TACR1: variants seen among roughly 807,000 people sequenced by gnomAD.
The protein encoded by TACR1 is tachykinin receptor 1.
A neutral mutation model predicts 35.8 loss-of-function variants in TACR1; 25 were observed. The observed-to-expected ratio is 0.70, with a 90% confidence interval of 0.51 to 0.98. The LOEUF is 0.98. Among genes scored for constraint, TACR1 ranks in the 50% least tolerant of loss-of-function variants. The probability of loss-of-function intolerance (pLI) is 0.00; values close to 1 mark genes in which losing one functional copy is unlikely to be tolerated. For synonymous variants in TACR1, 195 were observed against 206.7 expected (o/e 0.94, Z 0.48); for missense variants, 478 against 522.9 (o/e 0.91, Z 0.84).
At chr2:75,082,752 A>C (rs1309418143) in intron 2 of TACR1, among the ~76,000 whole-genome samples, 1 of 152,056 alleles carries the variant, frequency 6.6e-6, no homozygotes, top group Non-Finnish European at 1.5e-5. Flanking sequence ...CATATCCTTC[A>C]TGCACTTTTT....
chr2:75,144,144 C>T (rs949482969), intron 1 of TACR1, among the ~76,000 whole-genome samples: 3 of 152,144 alleles, frequency 2.0e-5, no homozygotes, highest in Non-Finnish European at 2.9e-5. Flanking sequence ...CTCCATGGGG[C>T]CACTACTGGG....
At chr2:75,134,519 T>TGGGGG (rs1674241819) in intron 1 of TACR1, among the ~76,000 whole-genome samples, 1 of 152,118 alleles carries the variant, frequency 6.6e-6, no homozygotes, top group Non-Finnish European at 1.5e-5. Context: ...GGAGGACATT[T>TGGGGG]ACGCCTGGGC....
At chr2:75,097,231 CGAA>C (rs1673440863) in intron 2 of TACR1, among the ~76,000 whole-genome samples, 1 of 152,042 alleles carries the variant, frequency 6.6e-6, no homozygotes, top group African/African-American at 2.4e-5. Flanking sequence ...ATAAAGATAG[CGAA>C]GTGTTTTTTT....
At chr2:75,163,991 A>T (rs889095404) in intron 1 of TACR1, among the ~76,000 whole-genome samples, 15 of 152,126 alleles carry the variant, frequency 9.9e-5, no homozygotes, top group African/African-American at 3.4e-4. Flanking sequence ...TAAAAAAGTA[A>T]ACAAATGGAG....
rs11367021 is a variant in TACR1, at chr2:75,079,736, CTTTTTTTT to C, written c.585-25989_585-25982del. Among the ~76,000 whole-genome samples the C allele has an allele frequency of 3.5e-5, 4 of 114,196 alleles. No individual in the cohort carries two copies. In the East Asian group the frequency reaches 9.1e-4, roughly 26 times the overall value. The allele number at this position is 114,196 out of a possible 152,430, so 74.9% of individuals were successfully genotyped here. On this transcript the variant is annotated intron_variant, in intron 2 of 4. Transcript: ENST00000305249. ...CAAACTGTGCATCTAAACCTAATGCCTTTTTTTTTTTTTTTTTTTTTGGTCTCACTCTG... is the reference window on the plus strand; with the variant it reads ...CAAACTGTGCATCTAAACCTAATGCCTTTTTTTTTTTTTGGTCTCACTCTG...
chr2:75,057,406 G>A (rs1421715461), intron 2 of TACR1, among the ~76,000 whole-genome samples: 2 of 152,184 alleles, frequency 1.3e-5, no homozygotes, highest in Middle Eastern at 3.4e-3. Context: ...GACTCAGCCC[G>A]CCTGCACCCA....
chr2:75,053,453 A>C (rs1414927919), intron 3 of TACR1, 152 bp downstream of exon 3: 2 of 1,076,972 alleles, frequency 1.9e-6, no homozygotes, highest in East Asian at 3.0e-5. Flanking sequence ...TTCCAAAGAC[A>C]CTGAAGAAAG....
In TACR1 at chr2:75,137,757, G is replaced by GA. The variant is rs1396560330; in HGVS notation, c.390-16990dup. Reference sequence around the variant, plus strand: ...AAAAAAAAAAAAAAAAAAAAAAAAAGAAAAAATAAAAGAAATCCAGCTGTC... The same window carrying GA: ...AAAAAAAAAAAAAAAAAAAAAAAAAGAAAAAAATAAAAGAAATCCAGCTGTC... On this transcript the variant is annotated intron_variant, in intron 1 of 4. Coordinates refer to ENST00000305249, the MANE Select transcript of TACR1 (RefSeq NM_001058.4). Among the ~76,000 whole-genome samples the GA allele has an allele frequency of 8.4e-4, 87 of 103,898 alleles. 1 individual carries two copies. Among genetic ancestry groups the GA allele is most frequent in the Non-Finnish European group, 1.4e-3 (67 of 49,434 alleles). The allele number at this position is 103,898 out of a possible 152,430, so 68.2% of individuals were successfully genotyped here. A position where few individuals can be genotyped will look rare whatever the true frequency, so the allele number is the denominator to read the frequency against.
At chr2:75,088,781 A>G (rs1311899064) in intron 2 of TACR1, among the ~76,000 whole-genome samples, 1 of 151,994 alleles carries the variant, frequency 6.6e-6, no homozygotes, top group Non-Finnish European at 1.5e-5. Flanking sequence ...TCGCCCCTGA[A>G]TCTTGAATCA....
intron 2 of TACR1, among the ~76,000 whole-genome samples, chr2:75,101,071 G>GT (rs1344793284): frequency 6.6e-6 from 1 of 151,822 alleles, no homozygotes; most frequent in Admixed American, 6.6e-5. Context: ...TGAATAACAT[G>GT]TTGGACACGG....
Position 75,051,433 on chromosome 2 carries a change from C to T in TACR1, c.750G>A (p.Met250Ile). Residue 250 changes from methionine to isoleucine, a missense_variant, in exon 4 of 5, where the codon ATG becomes ATA. Met to Ile is a conservative substitution (Grantham distance 10). Transcript: ENST00000305249. ...VSAKRKVVKM[M>I]IVVVCTFAIC... ...TGGCGAAGGTGCACACCACGACAATCATCATTTTGACCACCTGGCAAGAGG... is the reference window on the plus strand; with the variant it reads ...TGGCGAAGGTGCACACCACGACAATTATCATTTTGACCACCTGGCAAGAGG... 1 of 1,614,028 alleles carries T rather than the reference C, an allele frequency of 6.2e-7. No individual in the cohort carries two copies. The highest frequency in any genetic ancestry group is 8.5e-7 in the Non-Finnish European group (1 of 1,179,942).
intron 2 of TACR1, among the ~76,000 whole-genome samples, chr2:75,094,861 T>TATATATA (rs1558551241): frequency 3.3e-4 from 20 of 60,726 alleles, no homozygotes; most frequent in African/African-American, 1.7e-3. Context: ...ATATATATAT[T>TATATATA]TTTTTTTTTT....
At chr2:75,088,963 A>G (rs144998136) in intron 2 of TACR1, among the ~76,000 whole-genome samples, 2 of 152,168 alleles carry the variant, frequency 1.3e-5, no homozygotes, top group Non-Finnish European at 2.9e-5. Flanking sequence ...TGAGTTTGAC[A>G]GTTTCCCACA....
intron 2 of TACR1, among the ~76,000 whole-genome samples, chr2:75,106,096 T>C (rs921803492): frequency 3.3e-5 from 5 of 151,986 alleles, no homozygotes; most frequent in Admixed American, 6.6e-5. Flanking sequence ...AAAAACTGAG[T>C]GTGGAGTATC....
chr2:75,130,858 T>C (rs2103928511), intron 1 of TACR1, among the ~76,000 whole-genome samples: 1 of 152,338 alleles, frequency 6.6e-6, no homozygotes, highest in Middle Eastern at 3.4e-3. Context: ...TTCCTCATCA[T>C]TCTGTGAAGC....
chr2:75,090,155 C>G (rs1468849290), intron 2 of TACR1, among the ~76,000 whole-genome samples: 2 of 152,228 alleles, frequency 1.3e-5, no homozygotes, highest in Non-Finnish European at 2.9e-5. Flanking sequence ...TGTGCCCTCC[C>G]CTGAATGTCC....
intron 1 of TACR1, among the ~76,000 whole-genome samples, chr2:75,195,645 C>T (rs930013141): frequency 6.6e-6 from 1 of 152,024 alleles, no homozygotes; most frequent in Admixed American, 6.6e-5. Context: ...AGTAATTCTA[C>T]TTATTGGGAT....
At chr2:75,076,603 T>C (rs930581280) in intron 2 of TACR1, among the ~76,000 whole-genome samples, 1 of 152,082 alleles carries the variant, frequency 6.6e-6, no homozygotes, top group Non-Finnish European at 1.5e-5. Flanking sequence ...CTTCCCTAAA[T>C]GGTAATTTCA....
chr2:75,075,896 T>C (rs1429109509), intron 2 of TACR1, among the ~76,000 whole-genome samples: 1 of 152,244 alleles, frequency 6.6e-6, no homozygotes, highest in Non-Finnish European at 1.5e-5. Context: ...TAGGAATTCA[T>C]AGTTTTTACA....
Sources: allele counts gnomAD v4.1 joint callset (sites outside exome capture counted in the v4.1 genomes callset), GRCh38; gene constraint gnomAD v4.1.1; transcripts MANE v1.5; gene names NCBI Gene and HGNC (gene_info 2026-07-23, HGNC 2026-07-21).